SKI: variants seen among roughly 807,000 people sequenced by gnomAD.
SKI encodes SKI proto-oncogene.
Under a neutral mutation model 59.3 loss-of-function variants are expected in SKI, and 23 were observed. The observed-to-expected ratio is 0.39, with a 90% CI of 0.28 to 0.55. The LOEUF is 0.55. Among genes scored for constraint, SKI ranks in the 20% least tolerant of loss-of-function variants. The probability of loss-of-function intolerance (pLI) is 0.67; values close to 1 mark genes in which losing one functional copy is unlikely to be tolerated. For synonymous variants in SKI, 673 were observed against 488.6 expected, an observed-to-expected ratio of 1.38 and a Z score of -4.98; for missense variants, 1,017 against 1,038.9, an observed-to-expected ratio of 0.98 and a Z score of 0.29.
In SKI at chr1:2,228,936, C is replaced by T. The variant is rs1389185868; in HGVS notation, c.170C>T (p.Ala57Val). ...YKKESAKEAG[A>V]AAVPAPVPAA... ...AAGGAGAGCGCCAAGGAGGCGGGCG[C>T]GGCCGCGGTGCCGGCGCCGGTGCCC... The change falls in exon 1 of 7, where the codon GCG becomes GTG. Residue 57 changes from alanine (A) to valine (V), a missense_variant. Physicochemically the swap from Ala to Val is moderately conservative, Grantham distance 64. Coordinates refer to ENST00000378536, the MANE Select transcript of SKI (RefSeq NM_003036.4). 8 of 1,384,052 alleles carry T rather than the reference C, an allele frequency of 5.8e-6. No homozygotes were observed. The highest frequency in any genetic ancestry group is 2.5e-4 in the Middle Eastern group (1 of 4,036). The allele number at this position is 1,384,052 out of a possible 1,614,324, so 85.7% of individuals were successfully genotyped here. A position where few individuals can be genotyped will look rare whatever the true frequency, so the allele number is the denominator to read the frequency against.
At chr1:2,255,518 T>G in intron 1 of SKI, among the ~76,000 whole-genome samples, 1 of 152,184 alleles carries the variant, frequency 6.6e-6, no homozygotes, top group African/African-American at 2.4e-5. Flanking sequence ...GAGCTCTCTG[T>G]GTCCTGACCT....
chr1:2,234,177 G>A (rs948770001), intron 1 of SKI, among the ~76,000 whole-genome samples: 2 of 152,126 alleles, frequency 1.3e-5, no homozygotes, highest in African/African-American at 4.8e-5. Flanking sequence ...CTCAAGCAGG[G>A]GAAACAGCAG....
intron 1 of SKI, among the ~76,000 whole-genome samples, chr1:2,263,642 G>A (rs549553470): frequency 2.0e-5 from 3 of 151,950 alleles, no homozygotes; most frequent in South Asian, 2.1e-4. Context: ...TAATGTTCTT[G>A]TAGAATGATT....
At chr1:2,293,347 T>G (rs1640208008) in intron 1 of SKI, among the ~76,000 whole-genome samples, 1 of 152,024 alleles carries the variant, frequency 6.6e-6, no homozygotes, top group Non-Finnish European at 1.5e-5. Context: ...CTGAGTGGTG[T>G]TGCCCGTGGG....
chr1:2,288,451 A>G, intron 1 of SKI, among the ~76,000 whole-genome samples: 1 of 152,198 alleles, frequency 6.6e-6, no homozygotes, highest in East Asian at 1.9e-4. Context: ...ACATGTTCCG[A>G]TCCCTGAATT....
chr1:2,285,532 C>T lies in SKI; in HGVS notation c.970-17446C>T, dbSNP rs900659959. Among the ~76,000 whole-genome samples, 4 of 150,372 alleles carry T rather than the reference C, an allele frequency of 2.7e-5. No homozygotes were observed. The East Asian group carries it at 8.0e-4, about 30-fold the overall frequency. Reference sequence around the variant, plus strand: ...GTCTGTCTCAAAAACAAACAATAAACAAACAACTCTTCCTTTGAAAGTTTT... The same window carrying T: ...GTCTGTCTCAAAAACAAACAATAAATAAACAACTCTTCCTTTGAAAGTTTT... On this transcript the variant is annotated intron_variant, in intron 1 of 6. Coordinates refer to ENST00000378536, the MANE Select transcript of SKI (RefSeq NM_003036.4).
At chr1:2,238,278 C>T (rs1207462097) in intron 1 of SKI, among the ~76,000 whole-genome samples, 2 of 152,278 alleles carry the variant, frequency 1.3e-5, no homozygotes, top group Non-Finnish European at 2.9e-5. Flanking sequence ...ATGGCAGCTC[C>T]AGCTGCCCGT....
At chr1:2,277,816 G>T (rs927722137) in intron 1 of SKI, among the ~76,000 whole-genome samples, 2 of 137,890 alleles carry the variant, frequency 1.5e-5, no homozygotes, top group Non-Finnish European at 3.1e-5. Context: ...CTGCACTCAC[G>T]CACACACCTG....
At chr1:2,287,415 CA>C (rs1640062224) in intron 1 of SKI, among the ~76,000 whole-genome samples, 1 of 150,214 alleles carries the variant, frequency 6.7e-6, no homozygotes, top group African/African-American at 2.5e-5. Context: ...CGGCTCACTG[CA>C]AGCTCCGCCT....
At chr1:2,260,558 T>TTTTTTTTTTTTA (rs57697222) in intron 1 of SKI, among the ~76,000 whole-genome samples, 3 of 140,958 alleles carry the variant, frequency 2.1e-5, no homozygotes, top group Non-Finnish European at 3.1e-5. Context: ...TTTTTTTTTT[T>TTTTTTTTTTTTA]GAGACAGGGT....
chr1:2,267,459 G>A lies in SKI; in HGVS notation c.970-35519G>A, dbSNP rs900110742. The stretch of plus-strand genomic sequence containing the variant: ...GTCCCACGTCCTCTCGTGTGCTGTC[G>A]GGAGACAAACCTCTTCCTGCTTCAA... On this transcript the variant is annotated intron_variant, in intron 1 of 6. Coordinates refer to ENST00000378536, the MANE Select transcript of SKI (RefSeq NM_003036.4). The surrounding 1 kb of genome is among the most constrained non-coding windows in gnomAD (Gnocchi z 4.1). 9.9e-5 allele frequency among the ~76,000 whole-genome samples: 15 copies of A among 152,212 alleles called. No homozygotes were observed. Among genetic ancestry groups the A allele is most frequent in the African/African-American group, 3.4e-4 (14 of 41,452 alleles).
Position 2,303,435 on chromosome 1 carries a change from C to A in SKI, c.1211+35C>A. On this transcript the variant is annotated intron_variant, in intron 3 of 6. Transcript: ENST00000378536. The surrounding 1 kb of genome is among the most constrained non-coding windows in gnomAD (Gnocchi z 5.6). ...CGCCATTCACAGGTGTTTCTGATCA[C>A]GGGGGAGGCTCCACGAGGGCTGTGC... 6.4e-7 allele frequency: 1 copy of A among 1,566,294 alleles called. No individual in the cohort carries two copies. The highest frequency in any genetic ancestry group is 8.8e-7 in the Non-Finnish European group (1 of 1,140,324).
chr1:2,246,350 T>C (rs1638994425), intron 1 of SKI, among the ~76,000 whole-genome samples: 1 of 152,174 alleles, frequency 6.6e-6, no homozygotes, highest in African/African-American at 2.4e-5. Flanking sequence ...AATGTCTGAG[T>C]CCCTCTTTGA....
chr1:2,279,910 G>C (rs752010065), intron 1 of SKI, among the ~76,000 whole-genome samples: 1 of 152,154 alleles, frequency 6.6e-6, no homozygotes, highest in Admixed American at 6.5e-5. Flanking sequence ...CCTGTGATGC[G>C]GTGGTCCTTG....
rs141464453 is a variant in SKI at position 2,304,010 on chromosome 1, C to A, written c.1382C>A (p.Thr461Asn). The change falls in exon 4 of 7, where the codon ACC (threonine) becomes AAC (asparagine). Residue 461 changes from threonine (T) to asparagine (N), a missense_variant. Coordinates refer to ENST00000378536, the MANE Select transcript of SKI (RefSeq NM_003036.4). ...QPRKRKLTVD[T>N]PGAPETLAPV... The stretch of plus-strand genomic sequence containing the variant: ...CGGAAGCGGAAGCTGACTGTGGACA[C>A]CCCAGGAGCCCCAGAGACGCTGGCG... The A allele has an allele frequency of 6.2e-7, 1 of 1,612,518 alleles. No individual in the cohort carries two copies. Among genetic ancestry groups the A allele is most frequent in the Non-Finnish European group, 8.5e-7 (1 of 1,179,868 alleles).
intron 1 of SKI, among the ~76,000 whole-genome samples, chr1:2,283,481 C>T (rs570590105): frequency 1.3e-5 from 2 of 152,346 alleles, no homozygotes; most frequent in South Asian, 2.1e-4. Flanking sequence ...TGTGATTCTC[C>T]TGCAACCATG....
rs1198523674 is a variant in SKI at position 2,284,838 on chromosome 1, G to T, written c.970-18140G>T. 1.3e-5 allele frequency among the ~76,000 whole-genome samples: 2 copies of T among 152,212 alleles called. 1 individual carries two copies. Among genetic ancestry groups the T allele is most frequent in the Non-Finnish European group, 2.9e-5 (2 of 68,028 alleles). Reference sequence around the variant, plus strand: ...TGCTGGGGGCCCCGGTGGCTGGAGAGTGAGAGTGGGTGCTCTCACTGAGGG... The same window carrying T: ...TGCTGGGGGCCCCGGTGGCTGGAGATTGAGAGTGGGTGCTCTCACTGAGGG... On this transcript the variant is annotated intron_variant, in intron 1 of 6. Coordinates refer to ENST00000378536, the MANE Select transcript of SKI (RefSeq NM_003036.4).
intron 1 of SKI, among the ~76,000 whole-genome samples, chr1:2,247,387 A>G (rs1171584158): frequency 6.6e-6 from 1 of 152,216 alleles, no homozygotes; most frequent in Non-Finnish European, 1.5e-5. Context: ...GCCTGTTTGC[A>G]GCGTGCTTCT....
intron 1 of SKI, among the ~76,000 whole-genome samples, chr1:2,301,996 G>C (rs1389883529): frequency 2.6e-5 from 4 of 152,262 alleles, no homozygotes; most frequent in African/African-American, 9.6e-5. Flanking sequence ...CTTGGGAAGA[G>C]ACCTTGGGTC....
Sources: gnomAD v4.1 joint callset for allele counts (sites outside exome capture counted in the v4.1 genomes callset) on GRCh38, gnomAD v4.1.1 for gene constraint, Gnocchi (gnomAD v3.1) non-coding constraint, MANE v1.5 for transcripts, NCBI Gene and HGNC (gene_info 2026-07-23, HGNC 2026-07-21) for gene names.